Variants in ATF7IP observed in about 807,000 individuals in gnomAD.
The protein encoded by ATF7IP is activating transcription factor 7 interacting protein.
Under a neutral mutation model 106.4 loss-of-function variants are expected in ATF7IP, and 23 were observed. That is an observed-to-expected ratio of 0.22 (90% CI 0.16 to 0.31). ATF7IP has a LOEUF of 0.31. ATF7IP is among the 10% of genes least tolerant of loss of function. The pLI, the probability that ATF7IP is intolerant of heterozygous loss-of-function variation, is 1.00. For synonymous variants in ATF7IP, 542 were observed against 539.0 expected, an observed-to-expected ratio of 1.01 and a Z score of -0.08; for missense variants, 1,334 against 1,524.3, an observed-to-expected ratio of 0.88 and a Z score of 2.08.
Position 14,460,676 on chromosome 12 carries a change from T to C in ATF7IP, c.2340T>C (p.Pro780=), listed in dbSNP as rs1441538578. The change falls in exon 9 of 15, where the codon CCT becomes CCC. Residue 780 remains proline, a synonymous_variant. Transcript: ENST00000261168. ...CCCAGCCTACAATCTCTTTACAGCC[T>C]TTGCCAGTGATTTTGCATGTACCTG... ...GNPQPTISLQ[P]LPVILHVPVA... is the part of the protein sequence containing the mutation. 1.9e-6 allele frequency: 3 copies of C among 1,614,212 alleles called. No individual in the cohort carries two copies. Among genetic ancestry groups the C allele is most frequent in the Admixed American group, 1.7e-5 (1 of 60,028 alleles).
At position 14,475,915 on chromosome 12, in the gene ATF7IP, C is replaced by T; in HGVS notation, c.2888C>T (p.Ser963Leu). 1 of 1,613,438 alleles carries T rather than the reference C, an allele frequency of 6.2e-7. No homozygotes were observed. Among genetic ancestry groups the T allele is most frequent in the Non-Finnish European group, 8.5e-7 (1 of 1,179,772 alleles). Residue 963 changes from serine (S) to leucine (L), a missense_variant, in exon 11 of 15, where the codon TCA becomes TTA. Ser to Leu is a moderately radical substitution (Grantham distance 145). This residue lies in a region of ATF7IP where 370 missense variants were observed against 401.2 expected (regional missense o/e 0.92). Transcript: ENST00000261168. ...SQCGKATGSD[S>L]SGVIDLTMDD... Reference sequence around the variant, plus strand: ...TGTGGAAAAGCCACTGGCAGTGATTCAAGTGGTGTCATTGATCTCACAATG... The same window carrying T: ...TGTGGAAAAGCCACTGGCAGTGATTTAAGTGGTGTCATTGATCTCACAATG...
intron 6 of ATF7IP, among the ~76,000 whole-genome samples, chr12:14,451,020 C>A (rs967733130): frequency 6.6e-6 from 1 of 151,946 alleles, no homozygotes; most frequent in Non-Finnish European, 1.5e-5. Flanking sequence ...AGTGAGCCAC[C>A]GCACCTGGCC....
chr12:14,487,025 C>T (rs1385510611), intron 13 of ATF7IP, among the ~76,000 whole-genome samples: 1 of 152,186 alleles, frequency 6.6e-6, no homozygotes, highest in African/African-American at 2.4e-5. Flanking sequence ...GGATCCCTTC[C>T]TCTACATTAA....
intron 2 of ATF7IP, among the ~76,000 whole-genome samples, chr12:14,428,424 C>G (rs1231148465): frequency 6.6e-6 from 1 of 152,042 alleles, no homozygotes; most frequent in Non-Finnish European, 1.5e-5. Flanking sequence ...TATCTTTTCC[C>G]CTTCCTCTGA....
intron 13 of ATF7IP, among the ~76,000 whole-genome samples, chr12:14,493,949 A>G (rs919095922): frequency 1.4e-4 from 22 of 151,962 alleles, no homozygotes; most frequent in Non-Finnish European, 2.8e-4. Flanking sequence ...GGAGCAACTG[A>G]CCAGCTTCAT....
chr12:14,421,188 T>C (rs1941487747), intron 1 of ATF7IP, among the ~76,000 whole-genome samples: 2 of 152,212 alleles, frequency 1.3e-5, no homozygotes, highest in African/African-American at 4.8e-5. Context: ...TTTGAGTAAG[T>C]TTCCTTGTAT....
chr12:14,431,842 T>G (rs979688636), intron 2 of ATF7IP, among the ~76,000 whole-genome samples: 2 of 152,206 alleles, frequency 1.3e-5, no homozygotes, highest in African/African-American at 2.4e-5. Context: ...TTCTTCAGGC[T>G]TTGTGGACAA....
rs373563379 is a variant in ATF7IP at position 14,425,142 on chromosome 12, G to A, written c.1227G>A (p.Thr409=). The A allele has an allele frequency of 6.7e-5, 107 of 1,593,116 alleles. No homozygotes were observed. The highest frequency in any genetic ancestry group is 9.2e-5 in the Admixed American group (5 of 54,180). ...EDETSADLVE[T]INENVIEDNK... ...AAACTTCTGCAGATCTTGTAGAAAC[G>A]ATTAATGAAAATGTTATTGAAGATA... Residue 409 remains threonine, a synonymous_variant, in exon 2 of 15, where the codon ACG becomes ACA. Transcript: ENST00000261168.
At chr12:14,399,317 T>C (rs1940052211) in intron 1 of ATF7IP, among the ~76,000 whole-genome samples, 1 of 152,162 alleles carries the variant, frequency 6.6e-6, no homozygotes, top group Non-Finnish European at 1.5e-5. Flanking sequence ...AAAATAACTT[T>C]TCCCATGAAT....
Position 14,424,713 on chromosome 12 carries a change from T to C in ATF7IP, c.798T>C (p.Ser266=). Residue 266 remains serine, a synonymous_variant, in exon 2 of 15, where the codon TCT becomes TCC. Transcript: ENST00000261168. ...SGDLSSSELA[S]DDLATGELAS... is the part of the protein sequence containing the mutation. ...ATCTATCCTCTAGTGAACTGGCCTC[T>C]GATGATCTGGCCACTGGTGAACTGG... 1 of 1,614,180 alleles carries C rather than the reference T, an allele frequency of 6.2e-7. No homozygotes were observed. Among genetic ancestry groups the C allele is most frequent in the East Asian group, 2.2e-5 (1 of 44,888 alleles).
chr12:14,494,168 A>G (rs1944919273), intron 13 of ATF7IP, among the ~76,000 whole-genome samples: 1 of 148,946 alleles, frequency 6.7e-6, no homozygotes. Context: ...TAAGCAGCCA[A>G]CTCCAGAAAC....
At chr12:14,434,617 T>G (rs1044745156) in intron 3 of ATF7IP, among the ~76,000 whole-genome samples, 194 bp downstream of exon 3, 7 of 152,254 alleles carry the variant, frequency 4.6e-5, no homozygotes, top group African/African-American at 1.7e-4. Context: ...TATTTTATTT[T>G]GTTTATTTAT....
At chr12:14,481,888 G>A (rs117767432) in intron 13 of ATF7IP, 2 of 164,146 alleles carry the variant, frequency 1.2e-5, no homozygotes, top group Admixed American at 1.3e-4. Flanking sequence ...AAGAAAGCTT[G>A]TAGTTTCTTG....
At chr12:14,458,210 TAGC>T (rs148980490) in intron 8 of ATF7IP, among the ~76,000 whole-genome samples, 5,219 of 152,204 alleles carry the variant, frequency 0.034, 121 homozygotes, top group Non-Finnish European at 0.053. Flanking sequence ...AGCTTAAAAA[TAGC>T]AGCACAAAGA....
chr12:14,400,530 GTT>G, intron 1 of ATF7IP, among the ~76,000 whole-genome samples: 1 of 152,154 alleles, frequency 6.6e-6, no homozygotes, highest in Admixed American at 6.5e-5. Context: ...AATTGCAAGA[GTT>G]CTGCTTTTTT....
At position 14,412,843 on chromosome 12, in the gene ATF7IP, G is replaced by A. The variant is rs146695473; in HGVS notation, c.-7-11066G>A. Among the ~76,000 whole-genome samples, 373 of 152,056 alleles carry A rather than the reference G, an allele frequency of 2.5e-3. 2 individuals carry two copies. Among genetic ancestry groups the A allele is most frequent in the African/African-American group, 6.9e-3 (286 of 41,492 alleles). On this transcript the variant is annotated intron_variant, in intron 1 of 14. Transcript: ENST00000261168. ...AGCCTGGCCAACATGGTGAAACCCC[G>A]TCTCTACTAAAAATACAAAAATTAG... is the stretch of plus-strand genomic sequence containing the variant.
At chr12:14,472,455 C>CCA (rs1227565739) in intron 10 of ATF7IP, among the ~76,000 whole-genome samples, 4 of 152,044 alleles carry the variant, frequency 2.6e-5, no homozygotes, top group African/African-American at 9.7e-5. Context: ...TTGCTATTGC[C>CCA]CAGCTTGAAT....
intron 1 of ATF7IP, among the ~76,000 whole-genome samples, chr12:14,405,260 T>C (rs1940497654): frequency 1.3e-5 from 2 of 152,120 alleles, no homozygotes; most frequent in African/African-American, 4.8e-5. Flanking sequence ...GGAAAATTTG[T>C]GATAAAAAAT....
chr12:14,368,302 T>C (rs2081872271), intron 1 of ATF7IP, among the ~76,000 whole-genome samples: 1 of 152,108 alleles, frequency 6.6e-6, no homozygotes, highest in African/African-American at 2.4e-5. Context: ...TTTAATGTTA[T>C]GAGTATTTTC....
Sources: allele counts gnomAD v4.1 joint callset (sites outside exome capture counted in the v4.1 genomes callset), GRCh38; gene constraint gnomAD v4.1.1; regional missense constraint gnomAD v4.1.1; transcripts MANE v1.5; gene names NCBI Gene and HGNC (gene_info 2026-07-23, HGNC 2026-07-21).